GNG7: variants seen among roughly 807,000 people sequenced by gnomAD.
The protein encoded by GNG7 is guanine nucleotide-binding protein G(I)/G(S)/G(O) subunit gamma-7.
Under a neutral mutation model 4.0 loss-of-function variants are expected in GNG7, and 1 was observed. The observed-to-expected ratio is 0.25, with a 90% confidence interval of 0.09 to 1.18. The LOEUF (loss-of-function observed/expected upper bound fraction) is 1.18. GNG7 is among the 50% of genes most tolerant of loss of function. GNG7 has a pLI of 0.50. For synonymous variants in GNG7, 34 were observed against 36.9 expected (o/e 0.92, Z 0.29); for missense variants, 86 against 91.9 (o/e 0.94, Z 0.26).
intron 2 of GNG7, among the ~76,000 whole-genome samples, chr19:2,612,244 G>A (rs977946022): frequency 1.3e-5 from 2 of 152,042 alleles, no homozygotes; most frequent in South Asian, 4.1e-4. Flanking sequence ...ATCCTTCTCT[G>A]GGGTGGGGCC....
chr19:2,624,541 A>G (rs890815201), intron 2 of GNG7, among the ~76,000 whole-genome samples: 22 of 151,744 alleles, frequency 1.4e-4, no homozygotes, highest in South Asian at 4.1e-4. Flanking sequence ...AAAAAAAAAA[A>G]AAAAAGAAAA....
intron 1 of GNG7, among the ~76,000 whole-genome samples, chr19:2,660,610 C>T (rs540098515): frequency 9.2e-5 from 14 of 152,010 alleles, no homozygotes; most frequent in African/African-American, 3.1e-4. Flanking sequence ...ACCACCAACA[C>T]CCCACCACCA....
intron 2 of GNG7, among the ~76,000 whole-genome samples, chr19:2,640,216 GAGAA>G (rs968458809): frequency 7.3e-5 from 11 of 150,090 alleles, no homozygotes; most frequent in Non-Finnish European, 1.5e-4. Flanking sequence ...AGGAAGGCGA[GAGAA>G]AGAGAGAGGG....
chr19:2,631,147 A>G (rs999306356), intron 2 of GNG7, among the ~76,000 whole-genome samples: 5 of 152,180 alleles, frequency 3.3e-5, no homozygotes, highest in African/African-American at 9.7e-5. Flanking sequence ...ACAGCTTGAC[A>G]TGCATTAACC....
intron 1 of GNG7, among the ~76,000 whole-genome samples, chr19:2,661,344 G>T (rs1281337999): frequency 2.7e-5 from 4 of 146,250 alleles, no homozygotes; most frequent in African/African-American, 1.0e-4. Flanking sequence ...AAGAAAGAAA[G>T]AAAGAAAGAA....
At chr19:2,693,812 C>T (rs774270421) in intron 1 of GNG7, among the ~76,000 whole-genome samples, 3 of 152,086 alleles carry the variant, frequency 2.0e-5, no homozygotes, top group African/African-American at 7.3e-5. Context: ...ACAGAGACAG[C>T]ACCAGATAAA....
intron 1 of GNG7, among the ~76,000 whole-genome samples, chr19:2,649,218 G>A (rs977828773): frequency 1.3e-5 from 2 of 151,968 alleles, no homozygotes; most frequent in African/African-American, 2.4e-5. Context: ...GGGATTACAG[G>A]TGTAGCCATT....
At chr19:2,638,524 G>C (rs1218248347) in intron 2 of GNG7, among the ~76,000 whole-genome samples, 1 of 22,240 alleles carries the variant, frequency 4.5e-5, no homozygotes. Context: ...GGGAGGGGAA[G>C]GGAAGAGGGA....
chr19:2,575,148 C>T (rs915627410), intron 2 of GNG7, among the ~76,000 whole-genome samples: 1 of 150,546 alleles, frequency 6.6e-6, no homozygotes, highest in African/African-American at 2.5e-5. Context: ...GCAGTGGCAC[C>T]GTCATAGCTT....
Position 2,515,137 on chromosome 19 carries a change from G to A in GNG7, c.92C>T (p.Ala31Val), listed in dbSNP as rs1361825248. The change falls in exon 5 of 5, where the codon GCG (alanine) becomes GTG (valine). Residue 31 changes from alanine (A) to valine (V), a missense_variant. By Grantham distance (64) the Ala-to-Val change is moderately conservative. Transcript: ENST00000382159. ...AGIERIKVSK[A>V]ASDLMSYCEQ... ...ACAGTAGCTCATGAGGTCAGACGCC[G>A]CTTTGGAGACCTGTGTTTGAGCACA... 38 of 1,613,696 alleles carry A rather than the reference G, an allele frequency of 2.4e-5. No homozygotes were observed. Among genetic ancestry groups the A allele is most frequent in the Non-Finnish European group, 3.1e-5 (37 of 1,179,926 alleles).
In GNG7 at chr19:2,581,926, T is replaced by C. The variant is rs1443007790; in HGVS notation, c.-77-26738A>G. On this transcript the variant is annotated intron_variant, in intron 2 of 4. Transcript: ENST00000382159. The stretch of plus-strand genomic sequence containing the variant: ...AGGGTTTGGCATGCAGCCTGTGCCC[T>C]ATAACCCTCACTTTAAGCCAGGGTG... Among the ~76,000 whole-genome samples the C allele has an allele frequency of 3.3e-5, 5 of 152,200 alleles. No homozygotes were observed. The East Asian group carries it at 9.6e-4, about 29-fold the overall frequency.
chr19:2,551,741 C>T (rs1177662014), intron 3 of GNG7, among the ~76,000 whole-genome samples: 9 of 138,696 alleles, frequency 6.5e-5, no homozygotes, highest in Admixed American at 2.3e-4. Context: ...TGGAGTGCAA[C>T]GGCACGATCT....
chr19:2,523,617 G>C (rs1413899892), intron 3 of GNG7, among the ~76,000 whole-genome samples: 1 of 152,120 alleles, frequency 6.6e-6, no homozygotes, highest in African/African-American at 2.4e-5. Context: ...AACTCACAGA[G>C]AGCCTCACAC....
intron 3 of GNG7, among the ~76,000 whole-genome samples, chr19:2,550,822 A>G (rs368459408): frequency 6.6e-6 from 1 of 152,200 alleles, no homozygotes; most frequent in South Asian, 2.1e-4. Flanking sequence ...GAATTGGAGC[A>G]GTGGACCTGG....
chr19:2,525,779 A>G (rs1978371770), intron 3 of GNG7, among the ~76,000 whole-genome samples: 1 of 152,156 alleles, frequency 6.6e-6, no homozygotes. Flanking sequence ...CGTTATGTGT[A>G]AGAGTGAAAA....
intron 2 of GNG7, among the ~76,000 whole-genome samples, chr19:2,581,330 TG>T (rs1355876157): frequency 1.6e-3 from 8 of 5,030 alleles, no homozygotes; most frequent in Non-Finnish European, 2.8e-3. Flanking sequence ...GTGATGGGGG[TG>T]GGGGGGTGGG....
chr19:2,554,576 A>C (rs1002571180), intron 3 of GNG7, among the ~76,000 whole-genome samples: 2 of 142,818 alleles, frequency 1.4e-5, no homozygotes, highest in Admixed American at 7.1e-5. Flanking sequence ...TTTTTTTGAG[A>C]CAGAGTCTCA....
chr19:2,549,757 G>A lies in GNG7; in HGVS notation c.-38+5392C>T, dbSNP rs185443189. On this transcript the variant is annotated intron_variant, in intron 3 of 4. Coordinates refer to ENST00000382159, the MANE Select transcript of GNG7 (RefSeq NM_052847.3). ...GAGGGAGGAAACACAAGGCTGCTGT[G>A]TCTGGGGTCAGCCAGCAGGCCGGGG... Among the ~76,000 whole-genome samples, 79 of 152,300 alleles carry A rather than the reference G, an allele frequency of 5.2e-4. 1 individual carries two copies. In the East Asian group the frequency reaches 0.014, roughly 28 times the overall value.
intron 3 of GNG7, among the ~76,000 whole-genome samples, chr19:2,540,146 CTCTT>C (rs764920078): frequency 1.6e-3 from 233 of 146,228 alleles, no homozygotes; most frequent in African/African-American, 4.0e-3. Flanking sequence ...GTCTCTCTCT[CTCTT>C]TCTTTCTTTT....
Sources: gnomAD v4.1 joint callset for allele counts (sites outside exome capture counted in the v4.1 genomes callset) on GRCh38, gnomAD v4.1.1 for gene constraint, MANE v1.5 for transcripts, NCBI Gene and HGNC (gene_info 2026-07-23, HGNC 2026-07-21) for gene names.